Variants in NALCN observed in about 807,000 individuals in gnomAD.
The protein encoded by NALCN is sodium leak channel NALCN.
Under a neutral mutation model 225.3 loss-of-function variants are expected in NALCN, and 111 were observed. That is an observed-to-expected ratio of 0.49 (90% confidence interval 0.42 to 0.58). NALCN has a LOEUF of 0.58. Among genes scored for constraint, NALCN ranks in the 20% least tolerant of loss-of-function variants. The pLI is 0.00. For missense variants in NALCN, 1,378 were observed against 2,202.4 expected, an observed-to-expected ratio of 0.63 and a Z score of 7.49; for synonymous variants, 764 against 769.0, an observed-to-expected ratio of 0.99 and a Z score of 0.11.
rs927543756 is a variant in NALCN, at chr13:101,389,953, G to A, written c.291+5230C>T. Reference sequence around the variant, plus strand: ...AAAAATTAGCCGGGTGTGGTGGTGCGTGCCTGTAATCTCAGCTACTCAGGA... The same window carrying A: ...AAAAATTAGCCGGGTGTGGTGGTGCATGCCTGTAATCTCAGCTACTCAGGA... On this transcript the variant is annotated intron_variant, in intron 3 of 43. Coordinates refer to ENST00000251127, the MANE Select transcript of NALCN (RefSeq NM_052867.4). Among the ~76,000 whole-genome samples the A allele has an allele frequency of 1.2e-4, 18 of 152,194 alleles. No individual in the cohort carries two copies. The East Asian group carries it at 1.9e-3, about 16-fold the overall frequency.
chr13:101,172,163 G>A (rs1282246006), intron 15 of NALCN, among the ~76,000 whole-genome samples: 1 of 152,054 alleles, frequency 6.6e-6, no homozygotes, highest in Non-Finnish European at 1.5e-5. Context: ...AAAATAATGG[G>A]AAAAGACATA....
chr13:101,330,389 C>T (rs1419745009), intron 7 of NALCN, among the ~76,000 whole-genome samples: 1 of 151,976 alleles, frequency 6.6e-6, no homozygotes, highest in Admixed American at 6.6e-5. Flanking sequence ...TTGGGAGGCA[C>T]CTAATATAAG....
intron 13 of NALCN, among the ~76,000 whole-genome samples, chr13:101,217,330 A>C (rs1181795596): frequency 6.6e-6 from 1 of 152,188 alleles, no homozygotes; most frequent in Non-Finnish European, 1.5e-5. Flanking sequence ...TACTCATACA[A>C]TATATTCATC....
chr13:101,286,223 G>A (rs2043333150), intron 9 of NALCN, among the ~76,000 whole-genome samples: 1 of 152,098 alleles, frequency 6.6e-6, no homozygotes, highest in South Asian at 2.1e-4. Context: ...AGCGTGGCAG[G>A]GACTGCCAGT....
intron 6 of NALCN, among the ~76,000 whole-genome samples, chr13:101,348,179 C>A (rs1286318999): frequency 6.6e-6 from 1 of 152,068 alleles, no homozygotes; most frequent in Non-Finnish European, 1.5e-5. Flanking sequence ...CCAAAAAAAT[C>A]ACATTTCAGA....
intron 1 of NALCN, among the ~76,000 whole-genome samples, chr13:101,406,774 G>T (rs765629537): frequency 3.9e-5 from 6 of 152,088 alleles, no homozygotes; most frequent in African/African-American, 1.4e-4. Context: ...ATGAATCCTA[G>T]AAATATTCTA....
At chr13:101,248,067 T>C (rs747407874) in intron 11 of NALCN, among the ~76,000 whole-genome samples, 21 of 152,332 alleles carry the variant, frequency 1.4e-4, no homozygotes, top group Middle Eastern at 3.4e-3. Flanking sequence ...AGTCTATCCC[T>C]GATGGACATT....
rs201505641 is a variant in NALCN at position 101,257,213 on chromosome 13, T to TTTG, written c.1266+1229_1266+1230insCAA. Among the ~76,000 whole-genome samples the TTTG allele has an allele frequency of 4.9e-3, 723 of 147,738 alleles. 6 individuals are homozygous for TTTG. The highest frequency in any genetic ancestry group is 7.0e-3 in the Non-Finnish European group (468 of 67,210). ...ACAAAACTCTTATTGTTTATTGTTT[T>TTTG]TTTTTTTTTTTTTTGCTAGATTGTA... On this transcript the variant is annotated intron_variant, in intron 11 of 43. Transcript: ENST00000251127.
In NALCN at chr13:101,104,578, C is replaced by T. The variant is rs762399674; in HGVS notation, c.2709G>A (p.Met903Ile). 1 of 1,613,890 alleles carries T rather than the reference C, an allele frequency of 6.2e-7. No homozygotes were observed. Among genetic ancestry groups the T allele is most frequent in the Non-Finnish European group, 8.5e-7 (1 of 1,179,944 alleles). ...CTCTTCGAAACGGGGACTCAAACAT[C>T]ATGGAAATGCAAGAGCAGATGGTTA... ...IIVTICSCIS[M>I]MFESPFRRVM... Residue 903 changes from methionine (M) to isoleucine (I), a missense_variant, in exon 24 of 44, where the codon ATG becomes ATA. Coordinates refer to ENST00000251127, the MANE Select transcript of NALCN (RefSeq NM_052867.4). This position sits in a 1 kb window ranked among gnomAD's most constrained non-coding sequence, Gnocchi z 4.2.
At chr13:101,358,657 A>T (rs1292768479) in intron 6 of NALCN, among the ~76,000 whole-genome samples, 1 of 152,228 alleles carries the variant, frequency 6.6e-6, no homozygotes, top group Non-Finnish European at 1.5e-5. Context: ...AGGATCTAGA[A>T]CCAGAAATAA....
chr13:101,074,116 G>T (rs1261701509), intron 36 of NALCN, among the ~76,000 whole-genome samples: 1 of 151,988 alleles, frequency 6.6e-6, no homozygotes, highest in Non-Finnish European at 1.5e-5. Flanking sequence ...AACCATTTGG[G>T]GGGCTCTAAA....
intron 7 of NALCN, among the ~76,000 whole-genome samples, chr13:101,310,170 G>A (rs1209376445): frequency 1.3e-5 from 2 of 152,074 alleles, no homozygotes; most frequent in Non-Finnish European, 2.9e-5. Flanking sequence ...TCTATTCTCT[G>A]CCCAGCAAGC....
At chr13:101,108,905 T>C (rs2035284159) in intron 20 of NALCN, among the ~76,000 whole-genome samples, 1 of 152,204 alleles carries the variant, frequency 6.6e-6, no homozygotes, top group African/African-American at 2.4e-5. Flanking sequence ...TATAAGAATT[T>C]ATTGGAAATG....
At chr13:101,146,535 G>A (rs2037352510) in intron 15 of NALCN, among the ~76,000 whole-genome samples, 1 of 152,186 alleles carries the variant, frequency 6.6e-6, no homozygotes, top group African/African-American at 2.4e-5. Context: ...TTTTCTAAAA[G>A]TTGATACAAC....
chr13:101,107,441 T>G, intron 22 of NALCN, 46 bp downstream of exon 22: 1 of 1,612,520 alleles, frequency 6.2e-7, no homozygotes, highest in Non-Finnish European at 8.5e-7. Context: ...CCCCTGCTGT[T>G]TGCATGGCTC....
chr13:101,206,929 C>G (rs191941107), intron 13 of NALCN, among the ~76,000 whole-genome samples: 4 of 151,868 alleles, frequency 2.6e-5, no homozygotes, highest in African/African-American at 9.7e-5. Context: ...ACTAATTAGT[C>G]TATAAAAATA....
rs140214504 is a variant in NALCN at position 101,071,509 on chromosome 13, C to G, written c.4197+2075G>C. Reference sequence around the variant, plus strand: ...CTTTCTTTCCTTAAACATAATGAACCAACCTTTGCTAGCGTCAAACATTTT... The same window carrying G: ...CTTTCTTTCCTTAAACATAATGAACGAACCTTTGCTAGCGTCAAACATTTT... On this transcript the variant is annotated intron_variant, in intron 37 of 43. Transcript: ENST00000251127. Among the ~76,000 whole-genome samples the G allele has an allele frequency of 6.6e-3, 1,010 of 152,234 alleles. 13 individuals carry two copies. Among genetic ancestry groups the G allele is most frequent in the East Asian group, 0.064 (332 of 5,180 alleles).
At position 101,055,208 on chromosome 13, in the gene NALCN, A is replaced by G; in HGVS notation, c.*87T>C. On this transcript the variant is annotated 3_prime_UTR_variant, in exon 44 of 44. Transcript: ENST00000251127. The stretch of plus-strand genomic sequence containing the variant: ...GTGACAAGCTGGAATTCAGTTATAG[A>G]TCAATTACAGATTGCTCACTGGACA... 1.9e-6 allele frequency: 2 copies of G among 1,035,660 alleles called. No homozygotes were observed. The highest frequency in any genetic ancestry group is 2.4e-5 in the East Asian group (1 of 41,510). The allele number at this position is 1,035,660 out of a possible 1,614,324, so 64.2% of individuals were successfully genotyped here.
At chr13:101,287,964 C>T (rs1314804814) in intron 9 of NALCN, among the ~76,000 whole-genome samples, 1 of 152,160 alleles carries the variant, frequency 6.6e-6, no homozygotes, top group African/African-American at 2.4e-5. Context: ...CACACACATC[C>T]ACATACACAG....
Sources: allele counts gnomAD v4.1 joint callset (sites outside exome capture counted in the v4.1 genomes callset), GRCh38; gene constraint gnomAD v4.1.1; non-coding constraint Gnocchi (gnomAD v3.1); transcripts MANE v1.5; gene names NCBI Gene and HGNC (gene_info 2026-07-23, HGNC 2026-07-21).